The following DCAF7 variants were observed in gnomAD, a reference collection of about 807,000 sequenced individuals.
The protein encoded by DCAF7 is DDB1- and CUL4-associated factor 7.
DCAF7 carries 4 observed loss-of-function variants against 41.2 expected under a neutral mutation model. That is an observed-to-expected ratio of 0.10 (90% CI 0.05 to 0.22). The LOEUF (loss-of-function observed/expected upper bound fraction) is 0.22. Ranked by LOEUF, DCAF7 falls within the 10% of genes least tolerant of loss-of-function variation. The pLI, the probability that DCAF7 is intolerant of heterozygous loss-of-function variation, is 1.00. For missense variants in DCAF7, 131 were observed against 443.2 expected (o/e 0.30, Z 6.32); for synonymous variants, 143 against 164.2 (o/e 0.87, Z 0.99).
chr17:63,579,757 AAC>A, intron 3 of DCAF7, 66 bp from the exon 4 acceptor site: 1 of 1,363,248 alleles, frequency 7.3e-7, no homozygotes, highest in East Asian at 2.3e-5. Context: ...CAGATGAGTA[AAC>A]ACAAGAGGGA....
At position 63,591,304 on chromosome 17, in the gene DCAF7, G is replaced by A. The variant is rs867974406; in HGVS notation, c.*2132G>A. On this transcript the variant is annotated 3_prime_UTR_variant, in exon 7 of 7. Coordinates refer to ENST00000614556, the MANE Select transcript of DCAF7 (RefSeq NM_005828.5). ...GATTCCTTTCCTGATCTGCACCTAC[G>A]CCTGGTCTGTATGGTGGAATTTGTC... 2.0e-5 allele frequency: 3 copies of A among 152,136 alleles called. No homozygotes were observed. Among genetic ancestry groups the A allele is most frequent in the Middle Eastern group, 3.4e-3 (1 of 294 alleles). 9.4% of individuals were successfully genotyped at this position (152,136 alleles called of 1,614,324 possible). A position where few individuals can be genotyped will look rare whatever the true frequency, so the allele number is the denominator to read the frequency against.
At chr17:63,551,812 C>G (rs1420538383) in intron 1 of DCAF7, among the ~76,000 whole-genome samples, 1 of 137,458 alleles carries the variant, frequency 7.3e-6, no homozygotes, top group East Asian at 2.4e-4. Flanking sequence ...TTTGGGAGGC[C>G]GAGGCGGGCG....
chr17:63,580,015 T>C, intron 4 of DCAF7, 72 bp downstream of exon 4: 2 of 1,145,370 alleles, frequency 1.7e-6, no homozygotes, highest in Non-Finnish European at 2.6e-6. Context: ...GGTCAGCTTG[T>C]TCTCTCATTG....
intron 6 of DCAF7, among the ~76,000 whole-genome samples, chr17:63,588,230 C>A (rs2033698583): frequency 7.1e-6 from 1 of 141,760 alleles, no homozygotes; most frequent in Non-Finnish European, 1.5e-5. Context: ...CTCTGTCACC[C>A]ATGCTGGAGT....
In DCAF7 at chr17:63,594,144, T is replaced by G. The variant is rs1489381310; in HGVS notation, c.*4972T>G. 1.3e-5 allele frequency: 2 copies of G among 152,780 alleles called. No homozygotes were observed. Among genetic ancestry groups the G allele is most frequent in the East Asian group, 3.9e-4 (2 of 5,192 alleles). The allele number at this position is 152,780 out of a possible 1,614,324, so 9.5% of individuals were successfully genotyped here. ...AAGTGGAGTGTTATAGCTATGACTT[T>G]CTATTTCTTGTTTCCTAAGTAAATT... On this transcript the variant is annotated 3_prime_UTR_variant, in exon 7 of 7. Transcript: ENST00000614556.
intron 1 of DCAF7, among the ~76,000 whole-genome samples, chr17:63,553,112 C>A (rs2033274551): frequency 6.6e-6 from 1 of 152,132 alleles, no homozygotes; most frequent in Non-Finnish European, 1.5e-5. Context: ...TGTTGCACTA[C>A]AGATATAAAC....
Position 63,550,890 on chromosome 17 carries a change from A to G in DCAF7, c.138+75A>G, listed in dbSNP as rs552778894. On this transcript the variant is annotated intron_variant, in intron 1 of 6. Transcript: ENST00000614556. This position sits in a 1 kb window ranked among gnomAD's most constrained non-coding sequence, Gnocchi z 4.8. Reference sequence around the variant, plus strand: ...GAGCGCCCTTTCCGGGCCGGAGCCCAGGCCTCAGAACCCTCTTGCGGACTC... The same window carrying G: ...GAGCGCCCTTTCCGGGCCGGAGCCCGGGCCTCAGAACCCTCTTGCGGACTC... 112 of 1,554,298 alleles carry G rather than the reference A, an allele frequency of 7.2e-5. 1 individual carries two copies. The Middle Eastern group carries it at 8.8e-4, about 12-fold the overall frequency.
At chr17:63,575,464 G>C (rs1281835340) in intron 1 of DCAF7, among the ~76,000 whole-genome samples, 1 of 151,892 alleles carries the variant, frequency 6.6e-6, no homozygotes, top group African/African-American at 2.4e-5. Context: ...CCCTGAGAGG[G>C]CGAGACAGGC....
rs372274154 is a variant in DCAF7 at position 63,578,604 on chromosome 17, C to T, written c.273C>T (p.Ser91=). Residue 91 remains serine (S), a synonymous_variant, in exon 2 of 7, where the codon AGC becomes AGT. Transcript: ENST00000614556. ...TCTATCCAGACCTACTGGCAACAAGCGGTGACTATCTCCGTGTGTGGAGGG... is the reference window on the plus strand; with the variant it reads ...TCTATCCAGACCTACTGGCAACAAGTGGTGACTATCTCCGTGTGTGGAGGG... ...KGVYPDLLAT[S]GDYLRVWRVG... is the part of the protein sequence containing the mutation. The T allele has an allele frequency of 1.1e-4, 181 of 1,613,894 alleles. No individual in the cohort carries two copies. Among genetic ancestry groups the T allele is most frequent in the Middle Eastern group, 1.6e-4 (1 of 6,084 alleles).
At chr17:63,584,984 C>T (rs945022770) in intron 5 of DCAF7, among the ~76,000 whole-genome samples, 2 of 152,172 alleles carry the variant, frequency 1.3e-5, no homozygotes, top group Non-Finnish European at 2.9e-5. Context: ...TCTGTTTCTG[C>T]ATCTCCCCTA....
In DCAF7 at chr17:63,579,893, A is replaced by T; in HGVS notation, c.478A>T (p.Asn160Tyr). The change falls in exon 4 of 7, where the codon AAT (asparagine) becomes TAT (tyrosine). Residue 160 changes from asparagine (N) to tyrosine (Y), a missense_variant. Asn to Tyr is a moderately radical substitution (Grantham distance 143). Transcript: ENST00000614556. ...LETGQVLGRV[N>Y]LVSGHVKTQL... Reference sequence around the variant, plus strand: ...GACAGGGCAGGTGTTAGGGCGAGTGAATCTCGTGTCTGGCCACGTGAAGAC... The same window carrying T: ...GACAGGGCAGGTGTTAGGGCGAGTGTATCTCGTGTCTGGCCACGTGAAGAC... The T allele has an allele frequency of 6.2e-7, 1 of 1,613,876 alleles. No individual in the cohort carries two copies. Among genetic ancestry groups the T allele is most frequent in the Non-Finnish European group, 8.5e-7 (1 of 1,179,824 alleles).
At chr17:63,586,972 G>A (rs1380519683) in intron 6 of DCAF7, among the ~76,000 whole-genome samples, 1 of 152,044 alleles carries the variant, frequency 6.6e-6, no homozygotes, top group African/African-American at 2.4e-5. Context: ...AGACCCTTTT[G>A]GTATACTTTC....
intron 1 of DCAF7, among the ~76,000 whole-genome samples, chr17:63,562,362 A>G (rs1172380494): frequency 6.6e-6 from 1 of 152,188 alleles, no homozygotes. Context: ...GAAATTTGTC[A>G]TGAGGCAGTG....
At chr17:63,571,612 T>G (rs1212413196) in intron 1 of DCAF7, among the ~76,000 whole-genome samples, 1 of 152,170 alleles carries the variant, frequency 6.6e-6, no homozygotes, top group East Asian at 1.9e-4. Context: ...ACGTCAGGAC[T>G]TGAATTTCAT....
chr17:63,588,189 A>ATTTT (rs377638787), intron 6 of DCAF7, among the ~76,000 whole-genome samples: 2 of 120,262 alleles, frequency 1.7e-5, no homozygotes, highest in African/African-American at 7.9e-5. Context: ...ATTTTCTTGG[A>ATTTT]TTTTTTTTTT....
chr17:63,559,345 A>ATGTATATATATG (rs2033346508), intron 1 of DCAF7, among the ~76,000 whole-genome samples: 6 of 134,322 alleles, frequency 4.5e-5, no homozygotes, highest in African/African-American at 1.8e-4. Context: ...ATACATATAT[A>ATGTATATATATG]TACGTATATA....
At chr17:63,553,928 G>T (rs2033284532) in intron 1 of DCAF7, among the ~76,000 whole-genome samples, 1 of 152,172 alleles carries the variant, frequency 6.6e-6, no homozygotes, top group African/African-American at 2.4e-5. Flanking sequence ...ATAGGGCTGG[G>T]CGTGGTGGCT....
intron 6 of DCAF7, among the ~76,000 whole-genome samples, chr17:63,585,614 C>T (rs2033668637): frequency 6.6e-6 from 1 of 152,156 alleles, no homozygotes; most frequent in Non-Finnish European, 1.5e-5. Context: ...GCACAGAGGA[C>T]TCAATTCCAG....
chr17:63,583,090 CCT>C, intron 4 of DCAF7, among the ~76,000 whole-genome samples: 1 of 152,320 alleles, frequency 6.6e-6, no homozygotes, highest in South Asian at 2.1e-4. Flanking sequence ...GCTGCTTTCA[CCT>C]CTGTGATTGA....
Sources: allele counts gnomAD v4.1 joint callset (sites outside exome capture counted in the v4.1 genomes callset), GRCh38; gene constraint gnomAD v4.1.1; non-coding constraint Gnocchi (gnomAD v3.1); transcripts MANE v1.5; gene names NCBI Gene and HGNC (gene_info 2026-07-23, HGNC 2026-07-21).